RICTOR: variants seen among roughly 807,000 people sequenced by gnomAD.
RICTOR encodes rapamycin-insensitive companion of mTOR.
In RICTOR, 49 loss-of-function variants were observed where a neutral mutation model predicts 214.9. That is an observed-to-expected ratio of 0.23 (90% CI 0.18 to 0.29). RICTOR has a LOEUF of 0.29. RICTOR is among the 10% of genes least tolerant of loss of function. The pLI is 1.00. For missense variants in RICTOR, 1,625 were observed against 2,047.0 expected (o/e 0.79, Z 3.98); for synonymous variants, 717 against 711.3 (o/e 1.01, Z -0.13).
In RICTOR at chr5:38,949,739, C is replaced by G. The variant is rs571606621; in HGVS notation, c.4109G>C (p.Ser1370Thr). 62 of 1,613,172 alleles carry G rather than the reference C, an allele frequency of 3.8e-5. No homozygotes were observed. The South Asian group carries it at 5.7e-4, about 15-fold the overall frequency. ...FTDTITMKAN[S>T]FESRLTPSRF... ...GCTTGGTGTTAATCTGGACTCAAAA[C>G]TGTTGGCCTTCATGGTGATGGTATC... Residue 1370 changes from serine (S) to threonine (T), a missense_variant, in exon 31 of 38, where the codon AGT becomes ACT. Physicochemically the swap from Ser to Thr is moderately conservative, Grantham distance 58. Transcript: ENST00000357387.
At chr5:39,028,264 G>A (rs1250988690) in intron 2 of RICTOR, among the ~76,000 whole-genome samples, 4 of 131,276 alleles carry the variant, frequency 3.0e-5, no homozygotes, top group Non-Finnish European at 3.1e-5. Context: ...CTCACTGCAA[G>A]CTCCGCCTCA....
chr5:39,046,192 A>G (rs1470302117), intron 2 of RICTOR, among the ~76,000 whole-genome samples: 3 of 151,152 alleles, frequency 2.0e-5, no homozygotes, highest in Admixed American at 6.6e-5. Flanking sequence ...CTCTACAAAA[A>G]TTAGGGGAAA....
intron 2 of RICTOR, among the ~76,000 whole-genome samples, chr5:39,028,044 C>T (rs191780717): frequency 1.3e-5 from 2 of 152,024 alleles, no homozygotes; most frequent in Admixed American, 1.3e-4. Context: ...AGAAAAGGTG[C>T]CTAACATCAT....
chr5:38,952,860 T>C, intron 29 of RICTOR, 125 bp downstream of exon 29: 1 of 593,566 alleles, frequency 1.7e-6, no homozygotes, highest in East Asian at 2.8e-5. Flanking sequence ...AATAATCTTG[T>C]ATCATTAGAA....
intron 9 of RICTOR, 140 bp downstream of exon 9, chr5:38,978,443 G>C: frequency 2.5e-6 from 1 of 405,670 alleles, no homozygotes; most frequent in Non-Finnish European, 4.3e-6. Flanking sequence ...AATTATGAGA[G>C]AAATGCAACT....
At chr5:39,014,737 A>G (rs897372172) in intron 3 of RICTOR, among the ~76,000 whole-genome samples, 1 of 152,178 alleles carries the variant, frequency 6.6e-6, no homozygotes, top group African/African-American at 2.4e-5. Flanking sequence ...CAGTGAGATG[A>G]TGTCAGAAGG....
chr5:39,053,051 T>C (rs1380503699), intron 2 of RICTOR, among the ~76,000 whole-genome samples: 2 of 152,232 alleles, frequency 1.3e-5, no homozygotes, highest in Non-Finnish European at 2.9e-5. Context: ...TTGATTAGAT[T>C]ACATCCAAAC....
Position 38,938,533 on chromosome 5 carries a change from G to A in RICTOR, c.*3771C>T. 1 of 232,704 alleles carries A rather than the reference G, an allele frequency of 4.3e-6. No homozygotes were observed. The highest frequency in any genetic ancestry group is 8.5e-6 in the Non-Finnish European group (1 of 117,542). The allele number at this position is 232,704 out of a possible 1,614,324, so 14.4% of individuals were successfully genotyped here. ...TTCTATAAAGAAAGTAAAACAAAAT[G>A]TGCAATTTATGCATGCTGTGGTGCA... On this transcript the variant is annotated 3_prime_UTR_variant, in exon 38 of 38. Transcript: ENST00000357387.
At chr5:38,999,814 C>G (rs1753478262) in intron 5 of RICTOR, among the ~76,000 whole-genome samples, 1 of 151,538 alleles carries the variant, frequency 6.6e-6, no homozygotes, top group South Asian at 2.1e-4. Flanking sequence ...TCTAAATACT[C>G]CAATAAGAAG....
intron 7 of RICTOR, among the ~76,000 whole-genome samples, chr5:38,985,798 C>T (rs775952666): frequency 2.6e-5 from 4 of 151,968 alleles, no homozygotes; most frequent in Non-Finnish European, 5.9e-5. Context: ...CAGGTCCAAG[C>T]GATTCTCCTG....
At chr5:38,956,719 C>A (rs1338713672) in intron 25 of RICTOR, among the ~76,000 whole-genome samples, 3 of 152,114 alleles carry the variant, frequency 2.0e-5, no homozygotes, top group Non-Finnish European at 4.4e-5. Context: ...TTTTCAAGCA[C>A]TGCACCAATA....
chr5:38,960,290 T>C (rs143278632), intron 20 of RICTOR, 108 bp downstream of exon 20: 13,627 of 1,045,236 alleles, frequency 0.013, 103 homozygotes, highest in African/African-American at 0.017. Flanking sequence ...AAATACGGCT[T>C]ATGCATATTC....
chr5:39,060,366 C>G (rs1211338261), intron 2 of RICTOR, among the ~76,000 whole-genome samples: 2 of 152,060 alleles, frequency 1.3e-5, no homozygotes, highest in Non-Finnish European at 2.9e-5. Context: ...CGTAAGTCCA[C>G]ACTTAACAGT....
chr5:39,029,481 G>T (rs776530191), intron 2 of RICTOR, among the ~76,000 whole-genome samples: 10 of 152,038 alleles, frequency 6.6e-5, no homozygotes, highest in Non-Finnish European at 1.3e-4. Context: ...ATAACTTGCT[G>T]CAATAAACTA....
intron 21 of RICTOR, 121 bp downstream of exon 21, chr5:38,959,658 A>G (rs1749610837): frequency 1.5e-6 from 1 of 649,422 alleles, no homozygotes; most frequent in Non-Finnish European, 2.6e-6. Context: ...AAGCAAAGAT[A>G]ATGCTAATTT....
chr5:38,951,285 T>C (rs1413389643), intron 30 of RICTOR, among the ~76,000 whole-genome samples: 1 of 152,008 alleles, frequency 6.6e-6, no homozygotes, highest in East Asian at 1.9e-4. Context: ...GCAACCCAAG[T>C]GAGTGCCTAA....
intron 19 of RICTOR, among the ~76,000 whole-genome samples, chr5:38,961,528 T>A (rs1385962933): frequency 6.6e-6 from 1 of 152,130 alleles, no homozygotes; most frequent in African/African-American, 2.4e-5. Context: ...TTAGTTCAGT[T>A]CAATTTCATG....
intron 2 of RICTOR, among the ~76,000 whole-genome samples, chr5:39,033,492 G>C (rs530998760): frequency 1.7e-4 from 26 of 152,176 alleles, no homozygotes; most frequent in Middle Eastern, 6.8e-3. Context: ...TCGAACTCCT[G>C]ACCTCCTGAT....
intron 31 of RICTOR, among the ~76,000 whole-genome samples, chr5:38,947,967 G>A (rs1748382544): frequency 6.6e-6 from 1 of 151,990 alleles, no homozygotes; most frequent in African/African-American, 2.4e-5. Flanking sequence ...AGAGCAAAAT[G>A]GTCATTTATG....
Sources: allele counts gnomAD v4.1 joint callset (sites outside exome capture counted in the v4.1 genomes callset), GRCh38; gene constraint gnomAD v4.1.1; transcripts MANE v1.5; gene names NCBI Gene and HGNC (gene_info 2026-07-23, HGNC 2026-07-21).